Variants in MYOM2 observed in about 807,000 individuals in gnomAD.
The protein encoded by MYOM2 is myomesin-2.
Under a neutral mutation model 187.6 loss-of-function variants are expected in MYOM2, and 254 were observed. That is an observed-to-expected ratio of 1.35 (90% CI 1.22 to 1.50). The LOEUF (loss-of-function observed/expected upper bound fraction) is 1.50, where lower values mean the gene tolerates loss of function less well. Ranked by LOEUF, MYOM2 falls within the 40% of genes most tolerant of loss-of-function variation. MYOM2 has a pLI of 0.00. For missense variants in MYOM2, 2,796 were observed against 1,924.0 expected (o/e 1.45, Z -8.48); for synonymous variants, 981 against 753.8 (o/e 1.30, Z -4.94).
rs2116801313 is a variant in MYOM2, at chr8:2,106,335, G to A, written c.2828G>A (p.Trp943Ter). The A allele has an allele frequency of 6.2e-7, 1 of 1,614,172 alleles. No homozygotes were observed. Among genetic ancestry groups the A allele is most frequent in the Non-Finnish European group, 8.5e-7 (1 of 1,180,006 alleles). ...QEMTDASQFT[W>*]CKSYEEISDD... is the part of the protein sequence containing the mutation. ...ATGACAGACGCGTCTCAGTTCACCT[G>A]GTGTAAATCCTACGAGGAGATTTCA... The change falls in exon 22 of 37, where the codon TGG becomes TAG. Residue 943 changes from tryptophan to a stop codon, truncating the protein, a stop_gained. Transcript: ENST00000262113. LOFTEE classifies it high-confidence loss of function.
At chr8:2,135,046 T>C (rs975448733) in intron 32 of MYOM2, among the ~76,000 whole-genome samples, 2 of 152,176 alleles carry the variant, frequency 1.3e-5, no homozygotes, top group African/African-American at 2.4e-5. Flanking sequence ...TAGAATCTGA[T>C]TGGATCCCAG....
intron 27 of MYOM2, 31 bp downstream of exon 27, chr8:2,116,306 G>A (rs776876005): frequency 1.9e-6 from 3 of 1,594,578 alleles, no homozygotes; most frequent in Admixed American, 3.5e-5. Context: ...CGGCTCCCCT[G>A]CCCCTAGCAT....
chr8:2,116,499 C>T (rs912060203), intron 27 of MYOM2, among the ~76,000 whole-genome samples: 2 of 152,074 alleles, frequency 1.3e-5, no homozygotes, highest in African/African-American at 4.8e-5. Flanking sequence ...CGGAGTCCAG[C>T]AATTTTAATG....
Position 2,109,468 on chromosome 8 carries a change from G to T in MYOM2, c.3117G>T (p.Glu1039Asp). ...GGGTTCGCTTCTGGCTCCAGGCTGAGCACTTATCACCAGATGCCAGCTACC... is the reference window on the plus strand; with the variant it reads ...GGGTTCGCTTCTGGCTCCAGGCTGATCACTTATCACCAGATGCCAGCTACC... The part of the protein sequence containing the change: ...KGRVRFWLQA[E>D]HLSPDASYRF... Residue 1039 changes from glutamate to aspartate, a missense_variant, in exon 25 of 37, where the codon GAG becomes GAT. Glu to Asp is a conservative substitution (Grantham distance 45, BLOSUM62 2). Coordinates refer to ENST00000262113, the MANE Select transcript of MYOM2 (RefSeq NM_003970.4). 1 of 1,613,428 alleles carries T rather than the reference G, an allele frequency of 6.2e-7. No individual in the cohort carries two copies.
chr8:2,128,991 C>G (rs1797754637), intron 31 of MYOM2, 136 bp from the exon 32 acceptor site: 1 of 579,444 alleles, frequency 1.7e-6, no homozygotes, highest in Non-Finnish European at 3.1e-6. Flanking sequence ...GAATTTGTGG[C>G]TGGCCGACTT....
chr8:2,133,659 C>G (rs140030157), intron 32 of MYOM2, among the ~76,000 whole-genome samples: 4,240 of 152,234 alleles, frequency 0.028, 60 homozygotes, highest in Middle Eastern at 0.048. Context: ...TGGGGTTTCA[C>G]CATGTTGGCC....
Position 2,076,225 on chromosome 8 carries a change from C to T in MYOM2, c.1205C>T (p.Thr402Ile). ...HDANRDYVIV[T>I]WKPPNTTTES... is the part of the protein sequence containing the mutation. ...GCCAACCGGGACTACGTCATCGTGA[C>T]CTGGAAGCCGCCCAACACCACCACT... is the stretch of plus-strand genomic sequence containing the variant. Residue 402 changes from threonine to isoleucine, a missense_variant, in exon 11 of 37, where the codon ACC (threonine) becomes ATC (isoleucine). Transcript: ENST00000262113. The T allele has an allele frequency of 6.2e-7, 1 of 1,613,722 alleles. No homozygotes were observed. Among genetic ancestry groups the T allele is most frequent in the South Asian group, 1.1e-5 (1 of 90,932 alleles).
intron 25 of MYOM2, among the ~76,000 whole-genome samples, chr8:2,114,002 C>T (rs77029955): frequency 0.013 from 1,904 of 152,240 alleles, 15 homozygotes; most frequent in Non-Finnish European, 0.02. Flanking sequence ...AGGGTGCTCC[C>T]AAGGGCAGGG....
intron 32 of MYOM2, among the ~76,000 whole-genome samples, chr8:2,134,621 G>C (rs1005025951): frequency 6.6e-6 from 1 of 151,920 alleles, no homozygotes; most frequent in Non-Finnish European, 1.5e-5. Context: ...GGAGGCGCTG[G>C]CCTCTCCTCT....
intron 9 of MYOM2, among the ~76,000 whole-genome samples, 181 bp downstream of exon 9, chr8:2,072,690 G>A (rs1351826034): frequency 6.6e-6 from 1 of 152,232 alleles, no homozygotes; most frequent in Non-Finnish European, 1.5e-5. Flanking sequence ...CTTCATCCAG[G>A]AGAATCCTGG....
Position 2,072,382 on chromosome 8 carries a change from C to A in MYOM2, c.831C>A (p.Asp277Glu), listed in dbSNP as rs749365756. 24 of 1,614,050 alleles carry A rather than the reference C, an allele frequency of 1.5e-5. No homozygotes were observed. The highest frequency in any genetic ancestry group is 1.9e-5 in the Non-Finnish European group (23 of 1,180,044). The change falls in exon 9 of 37, where the codon GAC (aspartate) becomes GAA (glutamate). Residue 277 changes from aspartate to glutamate, a missense_variant. Coordinates refer to ENST00000262113, the MANE Select transcript of MYOM2 (RefSeq NM_003970.4). ...LSSMIPYTHF[D>E]VQFLEKFGVT... The stretch of plus-strand genomic sequence containing the variant: ...CGATGATTCCGTACACGCACTTCGA[C>A]GTCCAGTTTTTGGAGAAGTTTGGGG...
chr8:2,115,350 T>A (rs1203117644), intron 25 of MYOM2, among the ~76,000 whole-genome samples: 1 of 152,220 alleles, frequency 6.6e-6, no homozygotes, highest in Non-Finnish European at 1.5e-5. Context: ...CTTTGACTTG[T>A]AGGATTACCT....
intron 25 of MYOM2, among the ~76,000 whole-genome samples, chr8:2,114,453 C>T (rs550008501): frequency 3.6e-4 from 54 of 151,586 alleles, no homozygotes; most frequent in Non-Finnish European, 6.6e-4. Flanking sequence ...TGGTTGTATG[C>T]ATTATATATG....
At chr8:2,120,011 G>A (rs1797372736) in intron 28 of MYOM2, among the ~76,000 whole-genome samples, 2 of 152,202 alleles carry the variant, frequency 1.3e-5, no homozygotes, top group Admixed American at 6.5e-5. Flanking sequence ...AGTGGGGGGA[G>A]TGGCAGGAGT....
intron 25 of MYOM2, among the ~76,000 whole-genome samples, chr8:2,112,157 G>A (rs541686314): frequency 6.6e-6 from 1 of 152,248 alleles, no homozygotes; most frequent in South Asian, 2.1e-4. Context: ...TACACCAGCA[G>A]GGACAGAACA....
At chr8:2,091,016 C>CT (rs35873643) in intron 15 of MYOM2, among the ~76,000 whole-genome samples, 3,606 of 86,426 alleles carry the variant, frequency 0.042, 170 homozygotes, top group East Asian at 0.15. Context: ...AATGATAGTT[C>CT]TTTTTTTTTT....
At chr8:2,110,702 C>T (rs1797041271) in intron 25 of MYOM2, among the ~76,000 whole-genome samples, 1 of 152,208 alleles carries the variant, frequency 6.6e-6, no homozygotes, top group African/African-American at 2.4e-5. Flanking sequence ...TTTAGGGGAA[C>T]TGTGGGATGC....
In MYOM2 at chr8:2,117,897, C is replaced by A. The variant is rs1172054343; in HGVS notation, c.3398C>A (p.Ala1133Asp). The change falls in exon 28 of 37, where the codon GCT becomes GAT. Residue 1133 changes from alanine to aspartate, a missense_variant. Ala to Asp is a moderately radical substitution (Grantham distance 126). Transcript: ENST00000262113. ...TTTTCCTCCCTAGGCCCTCATTTTGCTGAGTACTTGCACTGGGATGTCACG... is the reference window on the plus strand; with the variant it reads ...TTTTCCTCCCTAGGCCCTCATTTTGATGAGTACTTGCACTGGGATGTCACG... The part of the protein sequence containing the change: ...EFLRKQGPHF[A>D]EYLHWDVTEE... 1.1e-5 allele frequency: 18 copies of A among 1,611,094 alleles called. No individual in the cohort carries two copies. The highest frequency in any genetic ancestry group is 1.5e-5 in the Non-Finnish European group (18 of 1,178,680).
chr8:2,087,612 T>A (rs980635594), intron 14 of MYOM2, among the ~76,000 whole-genome samples: 8 of 152,056 alleles, frequency 5.3e-5, no homozygotes, highest in African/African-American at 1.7e-4. Context: ...TGCAAACACT[T>A]TTTTGTTTTT....
Sources: allele counts gnomAD v4.1 joint callset (sites outside exome capture counted in the v4.1 genomes callset), GRCh38; gene constraint gnomAD v4.1.1; transcripts MANE v1.5; gene names NCBI Gene and HGNC (gene_info 2026-07-23, HGNC 2026-07-21).